Variants in ADGRV1 observed in about 807,000 individuals in gnomAD.
The protein encoded by ADGRV1 is adhesion G protein-coupled receptor V1.
ADGRV1 carries 359 observed loss-of-function variants against 596.2 expected under a neutral mutation model. The observed-to-expected ratio is 0.60, with a 90% CI of 0.55 to 0.66. The LOEUF (loss-of-function observed/expected upper bound fraction) is 0.66. Among genes scored for constraint, ADGRV1 ranks in the 30% least tolerant of loss-of-function variants. The pLI, the probability that ADGRV1 is intolerant of heterozygous loss-of-function variation, is 0.00. For missense variants in ADGRV1, 7,274 were observed against 7,575.6 expected, an observed-to-expected ratio of 0.96 and a Z score of 1.48; for synonymous variants, 2,681 against 2,679.2, an observed-to-expected ratio of 1.00 and a Z score of -0.02.
intron 30 of ADGRV1, among the ~76,000 whole-genome samples, chr5:90,690,506 G>T (rs1746325896): frequency 1.3e-5 from 2 of 152,132 alleles, no homozygotes; most frequent in Admixed American, 1.3e-4. Context: ...TCTGGAGCAG[G>T]CTTGCACTGT....
At chr5:90,564,214 C>T (rs892830632) in intron 1 of ADGRV1, among the ~76,000 whole-genome samples, 7 of 152,150 alleles carry the variant, frequency 4.6e-5, no homozygotes, top group Admixed American at 6.5e-5. Context: ...GCTTTTGTTA[C>T]GGTTATAGTT....
intron 1 of ADGRV1, among the ~76,000 whole-genome samples, chr5:90,587,662 T>C (rs568443963): frequency 6.6e-6 from 1 of 151,916 alleles, no homozygotes; most frequent in Admixed American, 6.6e-5. Context: ...GTTCAAGCTA[T>C]TCCTCCTGCT....
intron 87 of ADGRV1, among the ~76,000 whole-genome samples, chr5:91,145,631 ATAT>A (rs745700329): frequency 7.3e-5 from 11 of 151,570 alleles, no homozygotes; most frequent in African/African-American, 1.5e-4. Flanking sequence ...ACAATTTAGA[ATAT>A]TATTATTGTT....
At position 90,779,063 on chromosome 5, in the gene ADGRV1, T is replaced by C. The variant is rs760285250; in HGVS notation, c.13048T>C (p.Ser4350Pro). The C allele has an allele frequency of 1.2e-6, 2 of 1,612,564 alleles. No homozygotes were observed. The highest frequency in any genetic ancestry group is 4.5e-5 in the East Asian group (2 of 44,844). Residue 4350 changes from serine to proline, a missense_variant, in exon 64 of 90, where the codon TCT (serine) becomes CCT (proline). Physicochemically the swap from Ser to Pro is moderately conservative, Grantham distance 74 (BLOSUM62 -1). Around this residue, in one of 5 missense-constraint regions of ADGRV1, gnomAD observed 3,643 missense variants for 3,809.2 expected, o/e 0.96. Transcript: ENST00000405460. ...DDYPEGPEEF[S>P]LTITKVELQG... ...CTATCCTGAAGGCCCAGAGGAATTT[T>C]CTCTAACAATTACAAAGGTGGAACT...
At chr5:91,009,995 CAA>C (rs199528471) in intron 85 of ADGRV1, among the ~76,000 whole-genome samples, 21,014 of 145,890 alleles carry the variant, frequency 0.14, 1,956 homozygotes, top group African/African-American at 0.24. Flanking sequence ...CATTACAGAG[CAA>C]AAAAAAAAAT....
intron 1 of ADGRV1, among the ~76,000 whole-genome samples, chr5:90,568,707 G>T (rs1755977950): frequency 6.6e-6 from 1 of 152,156 alleles, no homozygotes; most frequent in Non-Finnish European, 1.5e-5. Context: ...TGAACATGGG[G>T]TACTAAAGTC....
chr5:91,089,758 G>A (rs1173155234), intron 86 of ADGRV1, among the ~76,000 whole-genome samples: 2 of 152,088 alleles, frequency 1.3e-5, no homozygotes, highest in African/African-American at 2.4e-5. Flanking sequence ...GCTATTCATG[G>A]CCAAATACAT....
intron 83 of ADGRV1, among the ~76,000 whole-genome samples, chr5:90,935,087 T>G (rs1775564823): frequency 6.6e-6 from 1 of 152,236 alleles, no homozygotes. Context: ...AGTTTTGTTT[T>G]GTTTTCCTTT....
At position 91,009,858 on chromosome 5, in the gene ADGRV1, G is replaced by A. The variant is rs543469034; in HGVS notation, c.18152+24336G>A. Among the ~76,000 whole-genome samples the A allele has an allele frequency of 8.6e-5, 13 of 151,968 alleles. No individual in the cohort carries two copies. The South Asian group carries it at 2.5e-3, about 29-fold the overall frequency. On this transcript the variant is annotated intron_variant, in intron 85 of 89. Coordinates refer to ENST00000405460, the MANE Select transcript of ADGRV1 (RefSeq NM_032119.4). ...AGGAGAAAGAGAGACTAAAAGCATC[G>A]GAAAATTAAGGACATACAATTAAAT...
In ADGRV1 at chr5:90,810,398, A is replaced by T; in HGVS notation, c.15138A>T (p.Ala5046=). ...DLIKVSYQTT[A]GSAKPLEDFE... ...TTAAAGTTTCTTATCAGACCACTGC[A>T]GGAAGCGCCAAGCCACTGGAAGATT... The change falls in exon 74 of 90, where the codon GCA becomes GCT. Residue 5046 remains alanine, a synonymous_variant. Transcript: ENST00000405460. 6.2e-7 allele frequency: 1 copy of T among 1,613,926 alleles called. No individual in the cohort carries two copies.
At chr5:91,057,146 TG>T (rs1786956481) in intron 85 of ADGRV1, among the ~76,000 whole-genome samples, 1 of 152,248 alleles carries the variant, frequency 6.6e-6, no homozygotes, top group African/African-American at 2.4e-5. Context: ...AGAGCAGCCC[TG>T]ACCTTTACGA....
At chr5:90,858,813 T>G (rs773387636) in intron 82 of ADGRV1, among the ~76,000 whole-genome samples, 3 of 152,196 alleles carry the variant, frequency 2.0e-5, no homozygotes, top group Non-Finnish European at 4.4e-5. Flanking sequence ...TTTTTTTCCC[T>G]CAGCTTTGTT....
intron 86 of ADGRV1, among the ~76,000 whole-genome samples, chr5:91,096,107 T>C (rs1358813712): frequency 6.6e-6 from 1 of 152,226 alleles, no homozygotes; most frequent in Non-Finnish European, 1.5e-5. Flanking sequence ...ATGTTTTACA[T>C]TGATGGGTTT....
chr5:91,050,215 A>G (rs1786192871), intron 85 of ADGRV1, among the ~76,000 whole-genome samples: 1 of 152,222 alleles, frequency 6.6e-6, no homozygotes, highest in South Asian at 2.1e-4. Flanking sequence ...GCTTGAAACA[A>G]CAGCATGTTA....
chr5:90,797,052 A>G (rs961392107), intron 70 of ADGRV1, among the ~76,000 whole-genome samples: 2 of 151,882 alleles, frequency 1.3e-5, no homozygotes, highest in Non-Finnish European at 2.9e-5. Flanking sequence ...ACTATGAAGA[A>G]GCTGCACCAA....
chr5:90,614,261 G>A (rs536189615), intron 1 of ADGRV1: 2 of 365,342 alleles, frequency 5.5e-6, no homozygotes, highest in East Asian at 9.2e-5. Flanking sequence ...TAGTATTTTA[G>A]CTAGTAAAAT....
chr5:90,905,351 T>C (rs1365571888), intron 83 of ADGRV1, among the ~76,000 whole-genome samples: 2 of 152,136 alleles, frequency 1.3e-5, no homozygotes, highest in Non-Finnish European at 2.9e-5. Context: ...GTAATGTTGA[T>C]TCTTCCAATC....
At chr5:90,690,698 T>C (rs1363802800) in intron 30 of ADGRV1, 99 bp from the exon 31 acceptor site, 4 of 1,223,304 alleles carry the variant, frequency 3.3e-6, no homozygotes, top group Non-Finnish European at 4.6e-6. Context: ...CTTAGATTGC[T>C]TAGGGGGGAA....
chr5:90,675,320 A>G lies in ADGRV1; in HGVS notation c.5188A>G (p.Ile1730Val). The G allele has an allele frequency of 3.1e-6, 5 of 1,613,722 alleles. No homozygotes were observed. The highest frequency in any genetic ancestry group is 1.1e-5 in the South Asian group (1 of 91,054). Reference protein sequence around the residue: ...MTLPASSVPHITVEEEDGEIR... With the variant: ...MTLPASSVPHVTVEEEDGEIR... ...CCTGCCTGCAAGCAGCGTTCCACAT[A>G]TCACTGTGGAGGAGGAAGATGGAGA... The change falls in exon 24 of 90, where the codon ATC becomes GTC. Residue 1730 changes from isoleucine to valine, a missense_variant. Physicochemically the swap from Ile to Val is conservative, Grantham distance 29 (BLOSUM62 3). This residue lies in a region of ADGRV1 where 3,643 missense variants were observed against 3,809.2 expected (regional missense o/e 0.96). Coordinates refer to ENST00000405460, the MANE Select transcript of ADGRV1 (RefSeq NM_032119.4).
Sources: gnomAD v4.1 joint callset for allele counts (sites outside exome capture counted in the v4.1 genomes callset) on GRCh38, gnomAD v4.1.1 for gene constraint, gnomAD v4.1.1 regional missense constraint, MANE v1.5 for transcripts, NCBI Gene and HGNC (gene_info 2026-07-23, HGNC 2026-07-21) for gene names.